Variants in IL1RAPL1 observed in about 807,000 individuals in gnomAD.
The protein encoded by IL1RAPL1 is interleukin-1 receptor accessory protein-like 1.
IL1RAPL1 carries 3 observed loss-of-function variants against 48.4 expected under a neutral mutation model. That is an observed-to-expected ratio of 0.06 (90% CI 0.03 to 0.16). IL1RAPL1 has a LOEUF of 0.16. IL1RAPL1 is among the 10% of genes least tolerant of loss of function. IL1RAPL1 has a pLI of 1.00. For missense variants in IL1RAPL1, 349 were observed against 530.6 expected (o/e 0.66, Z 3.36); for synonymous variants, 185 against 187.7 (o/e 0.99, Z 0.12).
chrX:29,009,638 G>A (rs140892674), intron 2 of IL1RAPL1, among the ~76,000 whole-genome samples: 32 of 111,892 alleles, frequency 2.9e-4, no homozygotes, highest in Non-Finnish European at 4.1e-4. Flanking sequence ...TACCAGTACC[G>A]TGCTGTTTTG....
intron 2 of IL1RAPL1, among the ~76,000 whole-genome samples, chrX:29,080,960 CTTTCTTTCTTTCTTTCTT>C (rs1927798879): frequency 7.5e-5 from 3 of 40,262 alleles, no homozygotes; most frequent in African/African-American, 3.7e-4. Flanking sequence ...TTCTTTCTTT[CTTTCTTTCTTTCTTTCTT>C]TCTTTCTTTC....
At chrX:29,849,723 C>T (rs1290160040) in intron 6 of IL1RAPL1, among the ~76,000 whole-genome samples, 1 of 111,798 alleles carries the variant, frequency 8.9e-6, no homozygotes, top group Non-Finnish European at 1.9e-5. Context: ...GATGGAGGAA[C>T]TTGAGGCTTA....
At chrX:29,262,268 AT>A (rs1931873643) in intron 2 of IL1RAPL1, among the ~76,000 whole-genome samples, 1 of 112,365 alleles carries the variant, frequency 8.9e-6, no homozygotes, top group Non-Finnish European at 1.9e-5. Flanking sequence ...GAGTGAAATA[AT>A]GAGTTTATTT....
chrX:29,574,900 CT>C (rs1922724809), intron 5 of IL1RAPL1, among the ~76,000 whole-genome samples: 1 of 112,086 alleles, frequency 8.9e-6, no homozygotes, highest in Non-Finnish European at 1.9e-5. Context: ...GGGCACAGTG[CT>C]GACAGTCTCT....
chrX:29,387,188 T>A (rs1482297705), intron 3 of IL1RAPL1, among the ~76,000 whole-genome samples: 1 of 111,894 alleles, frequency 8.9e-6, no homozygotes, highest in Non-Finnish European at 1.9e-5. Context: ...GCTATGAACA[T>A]GTAATTTGAG....
chrX:29,600,502 T>C (rs1923687198), intron 5 of IL1RAPL1, among the ~76,000 whole-genome samples: 2 of 112,189 alleles, frequency 1.8e-5, no homozygotes, highest in Admixed American at 1.9e-4. Flanking sequence ...TTGGTTGGCC[T>C]CCAGCCAGGA....
intron 6 of IL1RAPL1, among the ~76,000 whole-genome samples, chrX:29,838,294 C>T (rs531426612): frequency 6.6e-4 from 74 of 112,387 alleles, no homozygotes; most frequent in Middle Eastern, 4.7e-3. Context: ...GAATAATTCA[C>T]ATAACACAAT....
intron 6 of IL1RAPL1, among the ~76,000 whole-genome samples, chrX:29,862,684 C>A (rs1931612441): frequency 9.0e-6 from 1 of 110,735 alleles, no homozygotes; most frequent in Non-Finnish European, 1.9e-5. Context: ...CGTAAAGCAT[C>A]TTTGCATCTT....
chrX:29,859,739 G>A (rs775004956), intron 6 of IL1RAPL1, among the ~76,000 whole-genome samples: 24 of 111,715 alleles, frequency 2.1e-4, no homozygotes, highest in African/African-American at 3.9e-4. Flanking sequence ...TTCAATTGTC[G>A]TTGGTTTTTA....
chrX:29,839,542 A>G (rs1931089156), intron 6 of IL1RAPL1, among the ~76,000 whole-genome samples: 1 of 112,485 alleles, frequency 8.9e-6, no homozygotes, highest in South Asian at 3.7e-4. Context: ...ACTTCTGCAC[A>G]GAAGTATATT....
At chrX:29,192,799 G>T (rs1930376457) in intron 2 of IL1RAPL1, among the ~76,000 whole-genome samples, 1 of 111,133 alleles carries the variant, frequency 9.0e-6, no homozygotes, top group East Asian at 2.8e-4. Flanking sequence ...TGGATATGTG[G>T]CGTGTGTGAA....
At chrX:29,860,326 A>G (rs773211033) in intron 6 of IL1RAPL1, among the ~76,000 whole-genome samples, 1 of 112,248 alleles carries the variant, frequency 8.9e-6, no homozygotes, top group South Asian at 3.8e-4. Flanking sequence ...AAAGCCAGTC[A>G]CAGAGTTAAC....
chrX:29,723,341 C>T (rs1047851597), intron 6 of IL1RAPL1, among the ~76,000 whole-genome samples: 9 of 111,905 alleles, frequency 8.0e-5, no homozygotes, highest in East Asian at 2.8e-4. Context: ...CTGTGCCTCC[C>T]GGGCTCAAGT....
intron 5 of IL1RAPL1, among the ~76,000 whole-genome samples, chrX:29,595,725 A>C (rs1260398125): frequency 8.9e-6 from 1 of 112,095 alleles, no homozygotes; most frequent in Non-Finnish European, 1.9e-5. Flanking sequence ...GCTGTGCAGA[A>C]GCTTTTTACT....
chrX:29,015,410 A>G (rs1165768903), intron 2 of IL1RAPL1, among the ~76,000 whole-genome samples: 1 of 111,733 alleles, frequency 8.9e-6, no homozygotes, highest in Non-Finnish European at 1.9e-5. Context: ...ACAGTGAATT[A>G]TATAGAATTC....
chrX:29,920,003 C>T lies in IL1RAPL1; in HGVS notation c.966C>T (p.Asp322=), dbSNP rs1346744259. The T allele has an allele frequency of 2.5e-6, 3 of 1,207,765 alleles. No individual in the cohort carries two copies. The African/African-American group carries it at 5.3e-5, about 21-fold the overall frequency. The part of the protein sequence containing the change: ...EQEVSISLIV[D]SVEEGDLGNY... ...AAGTTTCCATCTCATTAATTGTGGA[C>T]TCTGTGGAAGAAGGTGACTTGGGAA... The change falls in exon 8 of 11, where the codon GAC becomes GAT. Residue 322 remains aspartate, a synonymous_variant. Transcript: ENST00000378993.
At chrX:29,328,138 C>T (rs1377874807) in intron 3 of IL1RAPL1, among the ~76,000 whole-genome samples, 2 of 111,810 alleles carry the variant, frequency 1.8e-5, no homozygotes, top group Non-Finnish European at 3.8e-5. Flanking sequence ...CTAGCCTTTT[C>T]CATAATTTTT....
At chrX:28,609,630 C>CACACAT (rs1187754515) in intron 1 of IL1RAPL1, among the ~76,000 whole-genome samples, 1 of 89,713 alleles carries the variant, frequency 1.1e-5, no homozygotes, top group Admixed American at 1.2e-4. Flanking sequence ...CATGTTCTTA[C>CACACAT]ACACACACAC....
chrX:29,490,209 A>T (rs781285016), intron 5 of IL1RAPL1, among the ~76,000 whole-genome samples: 50 of 111,136 alleles, frequency 4.5e-4, no homozygotes, highest in Middle Eastern at 4.6e-3. Context: ...AAATAAAATT[A>T]AAATTTAAAA....
Sources: allele counts gnomAD v4.1 joint callset (sites outside exome capture counted in the v4.1 genomes callset), GRCh38; gene constraint gnomAD v4.1.1; transcripts MANE v1.5; gene names NCBI Gene and HGNC (gene_info 2026-07-23, HGNC 2026-07-21).